The following NR6A1 variants were observed in gnomAD, a reference collection of about 807,000 sequenced individuals.
NR6A1 encodes the protein retinoic acid receptor-related testis-associated receptor.
Under a neutral mutation model 59.1 loss-of-function variants are expected in NR6A1, and 7 were observed. The ratio of observed to expected loss-of-function variants is 0.12; its 90% CI spans 0.07 to 0.22. NR6A1 has a LOEUF of 0.22. Ranked by LOEUF, NR6A1 falls within the 10% of genes least tolerant of loss-of-function variation. NR6A1 has a pLI of 1.00. For synonymous variants in NR6A1, 243 were observed against 236.1 expected (o/e 1.03, Z -0.27); for missense variants, 468 against 611.6 (o/e 0.77, Z 2.48).
chr9:124,663,163 T>A (rs1421931828), intron 2 of NR6A1, among the ~76,000 whole-genome samples: 4 of 152,162 alleles, frequency 2.6e-5, no homozygotes, highest in Non-Finnish European at 5.9e-5. Context: ...TAGCCTTCGA[T>A]TACTGTGAAC....
chr9:124,639,891 A>G (rs1836722703), intron 2 of NR6A1, among the ~76,000 whole-genome samples: 1 of 152,254 alleles, frequency 6.6e-6, no homozygotes, highest in African/African-American at 2.4e-5. Flanking sequence ...AGAAACAATT[A>G]GTATATACAA....
At chr9:124,674,944 C>T (rs1245818870) in intron 2 of NR6A1, among the ~76,000 whole-genome samples, 2 of 152,184 alleles carry the variant, frequency 1.3e-5, no homozygotes, top group Non-Finnish European at 2.9e-5. Flanking sequence ...TACCTTACAA[C>T]AAACTGATAA....
At chr9:124,768,406 A>G (rs1322565641) in intron 1 of NR6A1, among the ~76,000 whole-genome samples, 1 of 152,250 alleles carries the variant, frequency 6.6e-6, no homozygotes, top group Non-Finnish European at 1.5e-5. Flanking sequence ...CAAACTTAAA[A>G]AAATTTTTGG....
intron 2 of NR6A1, among the ~76,000 whole-genome samples, chr9:124,658,260 C>T (rs1284148938): frequency 1.3e-5 from 2 of 152,126 alleles, no homozygotes; most frequent in African/African-American, 2.4e-5. Flanking sequence ...TCCTGAATTA[C>T]GGCCTCTGAA....
intron 2 of NR6A1, among the ~76,000 whole-genome samples, chr9:124,709,899 T>C (rs1488378052): frequency 6.7e-6 from 1 of 149,172 alleles, no homozygotes; most frequent in African/African-American, 2.5e-5. Flanking sequence ...TGAGCCAAGA[T>C]CATGCCACTG....
intron 2 of NR6A1, among the ~76,000 whole-genome samples, chr9:124,588,661 G>A (rs1206314371): frequency 4.1e-5 from 6 of 146,096 alleles, no homozygotes; most frequent in Admixed American, 6.8e-5. Flanking sequence ...GGCTCACGCC[G>A]GTAATCCCAG....
At chr9:124,753,841 C>T (rs761882708) in intron 1 of NR6A1, among the ~76,000 whole-genome samples, 4 of 152,146 alleles carry the variant, frequency 2.6e-5, no homozygotes, top group African/African-American at 4.8e-5. Flanking sequence ...AGGGACCTAG[C>T]CTTGCTTTTA....
In NR6A1 at chr9:124,537,789, G is replaced by A. The variant is rs1042216704; in HGVS notation, c.824+303C>T. 5.3e-5 allele frequency among the ~76,000 whole-genome samples: 8 copies of A among 152,172 alleles called. No homozygotes were observed. The East Asian group carries it at 1.4e-3, about 26-fold the overall frequency. ...TTCCCAGAATTACTGCTCATCTCTA[G>A]CATGGAAGTGCTCTGACCCATCCCA... On this transcript the variant is annotated intron_variant, in intron 6 of 9. Transcript: ENST00000487099.
intron 2 of NR6A1, among the ~76,000 whole-genome samples, chr9:124,675,417 G>T (rs1837924066): frequency 6.6e-6 from 1 of 152,218 alleles, no homozygotes; most frequent in Non-Finnish European, 1.5e-5. Context: ...TTCAATAAGT[G>T]TTGACTGAAT....
At chr9:124,709,888 G>C (rs934021181) in intron 2 of NR6A1, among the ~76,000 whole-genome samples, 1 of 151,316 alleles carries the variant, frequency 6.6e-6, no homozygotes, top group Non-Finnish European at 1.5e-5. Context: ...AGAGGTTGCA[G>C]TGAGCCAAGA....
At chr9:124,658,725 T>A (rs907022318) in intron 2 of NR6A1, 1 of 152,354 alleles carries the variant, frequency 6.6e-6, no homozygotes, top group African/African-American at 2.4e-5. Flanking sequence ...TCAGGACTAC[T>A]TCGGTTCTTT....
At chr9:124,716,938 C>A (rs1839429727) in intron 2 of NR6A1, among the ~76,000 whole-genome samples, 1 of 152,154 alleles carries the variant, frequency 6.6e-6, no homozygotes, top group Non-Finnish European at 1.5e-5. Context: ...CACTCAGCCA[C>A]ATGAATTTAC....
At chr9:124,611,931 A>G (rs1835763567) in intron 2 of NR6A1, among the ~76,000 whole-genome samples, 1 of 152,134 alleles carries the variant, frequency 6.6e-6, no homozygotes, top group Admixed American at 6.5e-5. Flanking sequence ...AGTGTAAGGG[A>G]TAATGATATC....
intron 2 of NR6A1, among the ~76,000 whole-genome samples, chr9:124,726,468 A>C (rs2131109751): frequency 6.6e-6 from 1 of 152,334 alleles, no homozygotes; most frequent in East Asian, 1.9e-4. Context: ...ATGAAGATGG[A>C]TTGATTCAGC....
chr9:124,729,443 G>A (rs146746352), intron 2 of NR6A1, among the ~76,000 whole-genome samples: 1,546 of 152,176 alleles, frequency 0.01, 26 homozygotes, highest in African/African-American at 0.035. Flanking sequence ...AAGTTAGCCA[G>A]GCATGTGGTG....
intron 2 of NR6A1, among the ~76,000 whole-genome samples, chr9:124,571,440 C>T (rs1834434553): frequency 6.6e-6 from 1 of 152,162 alleles, no homozygotes; most frequent in African/African-American, 2.4e-5. Flanking sequence ...TCTGCTCAGC[C>T]CACACCAATC....
At chr9:124,623,328 A>G (rs1836133026) in intron 2 of NR6A1, among the ~76,000 whole-genome samples, 1 of 152,066 alleles carries the variant, frequency 6.6e-6, no homozygotes, top group Admixed American at 6.6e-5. Context: ...CTGAGAGGAT[A>G]GTGTATGTCT....
intron 2 of NR6A1, among the ~76,000 whole-genome samples, chr9:124,576,769 T>C (rs1834609063): frequency 6.6e-6 from 1 of 152,196 alleles, no homozygotes; most frequent in Admixed American, 6.5e-5. Context: ...TCAATAACTT[T>C]AGTCTGGGCT....
At chr9:124,543,110 T>A (rs1450325553) in intron 4 of NR6A1, among the ~76,000 whole-genome samples, 1 of 152,242 alleles carries the variant, frequency 6.6e-6, no homozygotes, top group Non-Finnish European at 1.5e-5. Flanking sequence ...GCCACTCTAC[T>A]ACATGTGCCC....
Sources: allele counts gnomAD v4.1 joint callset (sites outside exome capture counted in the v4.1 genomes callset), GRCh38; gene constraint gnomAD v4.1.1; transcripts MANE v1.5; gene names NCBI Gene and HGNC (gene_info 2026-07-23, HGNC 2026-07-21).